Variants in DCC observed in about 807,000 individuals in gnomAD.
DCC encodes the protein DCC netrin 1 receptor, also known as netrin receptor DCC.
In DCC, 58 loss-of-function variants were observed where a neutral mutation model predicts 172.5. The observed-to-expected ratio is 0.34, with a 90% CI of 0.27 to 0.42. DCC has a LOEUF of 0.42. Among genes scored for constraint, DCC ranks in the 10% least tolerant of loss-of-function variants. DCC has a pLI of 1.00. For synonymous variants in DCC, 709 were observed against 644.5 expected, an observed-to-expected ratio of 1.10 and a Z score of -1.52; for missense variants, 1,740 against 1,791.0, an observed-to-expected ratio of 0.97 and a Z score of 0.51.
chr18:52,409,257 G>C (rs771814272), intron 1 of DCC: 1 of 152,088 alleles, frequency 6.6e-6, no homozygotes, highest in African/African-American at 2.4e-5. Context: ...TGGTGTATGT[G>C]GTTGTAGGTA....
intron 1 of DCC, among the ~76,000 whole-genome samples, chr18:52,715,949 C>T (rs902688196): frequency 7.0e-6 from 1 of 143,176 alleles, no homozygotes; most frequent in African/African-American, 2.4e-5. Context: ...CCTGAGTTCA[C>T]AGGCCCTAAC....
chr18:52,717,844 T>C (rs1473376891), intron 1 of DCC, among the ~76,000 whole-genome samples: 1 of 152,188 alleles, frequency 6.6e-6, no homozygotes, highest in Admixed American at 6.5e-5. Flanking sequence ...TGAGTCCACA[T>C]ACATAAAATT....
At chr18:52,642,071 T>TATATATATACACACACACACAC (rs2034914629) in intron 1 of DCC, among the ~76,000 whole-genome samples, 1 of 9,026 alleles carries the variant, frequency 1.1e-4, no homozygotes, top group African/African-American at 1.5e-4. Flanking sequence ...TGTATATATA[T>TATATATATACACACACACACAC]ATATATATAC....
chr18:52,992,995 A>C (rs2041418795), intron 5 of DCC, among the ~76,000 whole-genome samples: 1 of 152,148 alleles, frequency 6.6e-6, no homozygotes, highest in South Asian at 2.1e-4. Flanking sequence ...AAAAAAAAAA[A>C]AAAAAACACA....
chr18:52,559,937 G>A lies in DCC; in HGVS notation c.92-192117G>A, dbSNP rs560794018. On this transcript the variant is annotated intron_variant, in intron 1 of 28. Coordinates refer to ENST00000442544, the MANE Select transcript of DCC (RefSeq NM_005215.4). ...CTCGGAGTTAATATTTCATTGAAAA[G>A]CAATCTATAAACAATATCTTTGGGA... 2.0e-5 allele frequency among the ~76,000 whole-genome samples: 3 copies of A among 152,214 alleles called. No homozygotes were observed. In the South Asian group the frequency reaches 6.2e-4, roughly 32 times the overall value.
At position 53,205,465 on chromosome 18, in the gene DCC, G is replaced by C. The variant is rs925270536; in HGVS notation, c.1722+101G>C. 9 of 1,124,584 alleles carry C rather than the reference G, an allele frequency of 8.0e-6. No homozygotes were observed. The South Asian group carries it at 1.1e-4, about 14-fold the overall frequency. The allele number at this position is 1,124,584 out of a possible 1,614,324, so 69.7% of individuals were successfully genotyped here. On this transcript the variant is annotated intron_variant, in intron 10 of 28. Coordinates refer to ENST00000442544, the MANE Select transcript of DCC (RefSeq NM_005215.4). ...AATAGGAAAAGACTCGCAAACTCTT[G>C]AAACAGCCCAGTGTTAACACATTCA...
At chr18:52,934,394 T>G (rs1490366606) in intron 5 of DCC, among the ~76,000 whole-genome samples, 1 of 152,156 alleles carries the variant, frequency 6.6e-6, no homozygotes, top group Admixed American at 6.6e-5. Flanking sequence ...TACACCTTGC[T>G]GTTCATGCTT....
At chr18:52,903,967 T>C (rs2039844436) in intron 2 of DCC, among the ~76,000 whole-genome samples, 1 of 152,220 alleles carries the variant, frequency 6.6e-6, no homozygotes, top group African/African-American at 2.4e-5. Context: ...AGGTAACTAA[T>C]TCCTTTCGTT....
chr18:52,776,948 G>A (rs9960568), intron 2 of DCC, among the ~76,000 whole-genome samples: 150,002 of 152,302 alleles, frequency 0.98, 73,910 homozygotes, highest in East Asian at 1. Context: ...AAGAGGAGAA[G>A]GTCCTTGACT....
intron 24 of DCC, among the ~76,000 whole-genome samples, chr18:53,466,745 C>T (rs972681377): frequency 2.0e-5 from 3 of 152,088 alleles, no homozygotes; most frequent in Admixed American, 1.3e-4. Context: ...AGGCTGGTCT[C>T]GAACTCCTGA....
In DCC at chr18:53,499,376, C is replaced by T. The variant is rs1299639149; in HGVS notation, c.3977C>T (p.Ala1326Val). 6.2e-7 allele frequency: 1 copy of T among 1,614,096 alleles called. No homozygotes were observed. The highest frequency in any genetic ancestry group is 1.1e-5 in the South Asian group (1 of 91,088). Residue 1326 changes from alanine to valine, a missense_variant, in exon 27 of 29, where the codon GCA becomes GTA. By Grantham distance (64) the Ala-to-Val change is moderately conservative. Around this residue, in one of 2 missense-constraint regions of DCC, gnomAD observed 1,732 missense variants for 1,767.4 expected, o/e 0.98. Coordinates refer to ENST00000442544, the MANE Select transcript of DCC (RefSeq NM_005215.4). ...SQPEHSSSEEAPSRTIPTACV... is the reference protein window; with the variant it reads ...SQPEHSSSEEVPSRTIPTACV... ...CCTGAGCATTCTAGCAGCGAGGAGGCACCAAGCAGAACCATCCCCACAGCT... is the reference window on the plus strand; with the variant it reads ...CCTGAGCATTCTAGCAGCGAGGAGGTACCAAGCAGAACCATCCCCACAGCT...
chr18:52,677,357 T>C (rs1953548205), intron 1 of DCC, among the ~76,000 whole-genome samples: 1 of 152,156 alleles, frequency 6.6e-6, no homozygotes. Context: ...AAAATGCTTG[T>C]TCTTGAGGCT....
At chr18:53,355,983 GT>G (rs1213826137) in intron 15 of DCC, among the ~76,000 whole-genome samples, 1 of 152,006 alleles carries the variant, frequency 6.6e-6, no homozygotes, top group Non-Finnish European at 1.5e-5. Context: ...TCTTCACATA[GT>G]TTTTCTTTCT....
chr18:52,384,461 T>C (rs1013345328), intron 1 of DCC, among the ~76,000 whole-genome samples: 1 of 152,150 alleles, frequency 6.6e-6, no homozygotes, highest in African/African-American at 2.4e-5. Context: ...ACCACATTCC[T>C]GTGGAGACCA....
chr18:52,693,557 G>T (rs2145017260), intron 1 of DCC, among the ~76,000 whole-genome samples: 1 of 151,540 alleles, frequency 6.6e-6, no homozygotes, highest in South Asian at 2.1e-4. Flanking sequence ...AAGCAGTGAT[G>T]TTCCAGTAGC....
chr18:52,772,888 C>G (rs1189035252), intron 2 of DCC, among the ~76,000 whole-genome samples: 3 of 152,142 alleles, frequency 2.0e-5, no homozygotes, highest in African/African-American at 7.2e-5. Context: ...TGGAGACTTC[C>G]TGCTTAAATA....
chr18:53,106,213 G>A (rs193011097), intron 7 of DCC, among the ~76,000 whole-genome samples: 38 of 151,902 alleles, frequency 2.5e-4, no homozygotes, highest in Non-Finnish European at 4.6e-4. Flanking sequence ...ATTTCCCATT[G>A]CTGCCTAACC....
chr18:53,112,203 G>A (rs977127915), intron 7 of DCC, among the ~76,000 whole-genome samples: 8 of 151,204 alleles, frequency 5.3e-5, no homozygotes, highest in East Asian at 3.9e-4. Flanking sequence ...TAAAAACACC[G>A]CTAACATTGA....
At chr18:52,745,823 T>C (rs2036897860) in intron 1 of DCC, among the ~76,000 whole-genome samples, 2 of 152,190 alleles carry the variant, frequency 1.3e-5, no homozygotes, top group South Asian at 4.1e-4. Flanking sequence ...CTTGTAACCA[T>C]TGTTCTACTT....
Sources: gnomAD v4.1 joint callset for allele counts (sites outside exome capture counted in the v4.1 genomes callset) on GRCh38, gnomAD v4.1.1 for gene constraint, gnomAD v4.1.1 regional missense constraint, MANE v1.5 for transcripts, NCBI Gene and HGNC (gene_info 2026-07-23, HGNC 2026-07-21) for gene names.